The following ACOT11 variants were observed in gnomAD, a reference collection of about 807,000 sequenced individuals.
ACOT11 encodes the protein acyl-CoA thioesterase 11.
In ACOT11, 69 loss-of-function variants were observed where a neutral mutation model predicts 77.5. The ratio of observed to expected loss-of-function variants is 0.89; its 90% CI spans 0.73 to 1.09. The LOEUF (loss-of-function observed/expected upper bound fraction) is 1.09. ACOT11 is among the 50% of genes least tolerant of loss of function. The probability of loss-of-function intolerance (pLI) is 0.00; values close to 1 mark genes in which losing one functional copy is unlikely to be tolerated. For synonymous variants in ACOT11, 279 were observed against 313.0 expected (o/e 0.89, Z 1.15); for missense variants, 766 against 813.7 (o/e 0.94, Z 0.71).
intron 1 of ACOT11, among the ~76,000 whole-genome samples, chr1:54,563,347 A>G (rs967222917): frequency 3.3e-5 from 5 of 152,124 alleles, no homozygotes; most frequent in Non-Finnish European, 7.4e-5. Context: ...GAAAAGCGAA[A>G]TCTCAGCTCC....
intron 1 of ACOT11, among the ~76,000 whole-genome samples, chr1:54,554,353 T>TATATATA (rs1557644014): frequency 3.3e-4 from 11 of 33,414 alleles, no homozygotes; most frequent in Non-Finnish European, 6.9e-4. Flanking sequence ...ATATATATAT[T>TATATATA]TTTTTTTTTT....
Position 54,604,498 on chromosome 1 carries a change from G to A in ACOT11, c.1236+69G>A, listed in dbSNP as rs1644002030. ...AGAGGTGGCTAATGGCAAGCAACAA[G>A]AACTCTCCCACACCACTTATGTCAA... On this transcript the variant is annotated intron_variant, in intron 12 of 15. Coordinates refer to ENST00000343744, the MANE Select transcript of ACOT11 (RefSeq NM_147161.4). 2.2e-6 allele frequency: 3 copies of A among 1,384,982 alleles called. No homozygotes were observed. In the African/African-American group the frequency reaches 4.3e-5, roughly 20 times the overall value. 85.8% of individuals were successfully genotyped at this position (1,384,982 alleles called of 1,614,324 possible).
At chr1:54,612,414 C>CT, downstream of ACOT11, 1 of 1,130,982 alleles carries the variant, frequency 8.8e-7, no homozygotes, top group Middle Eastern at 2.0e-4. Flanking sequence ...CCCTTCCAGC[C>CT]ATGAGCTTCT....
intron 1 of ACOT11, among the ~76,000 whole-genome samples, chr1:54,556,570 A>G (rs1396243918): frequency 6.6e-6 from 1 of 151,532 alleles, no homozygotes; most frequent in Admixed American, 6.6e-5. Flanking sequence ...TTAATGATTT[A>G]TAGTTTTCAT....
At chr1:54,612,592 GCAT>G, downstream of ACOT11, 1 of 1,614,116 alleles carries the variant, frequency 6.2e-7, no homozygotes, top group Non-Finnish European at 8.5e-7. Context: ...ACCAGCTCGT[GCAT>G]CTTCTCCACC....
At chr1:54,608,477 TC>T (rs1181278778) in intron 15 of ACOT11, among the ~76,000 whole-genome samples, 1 of 151,694 alleles carries the variant, frequency 6.6e-6, no homozygotes, top group South Asian at 2.1e-4. Context: ...TACTGCAGCC[TC>T]CCCCCTCACA....
At chr1:54,619,730 C>G in intron 15 of ACOT11, 1 of 907,026 alleles carries the variant, frequency 1.1e-6, no homozygotes. Context: ...CTCTGAGCCC[C>G]TATTTCCTCA....
chr1:54,574,472 T>C (rs1654033631), intron 1 of ACOT11, among the ~76,000 whole-genome samples: 1 of 152,234 alleles, frequency 6.6e-6, no homozygotes, highest in African/African-American at 2.4e-5. Context: ...AGTCTCTCAG[T>C]AAGTGCTGGC....
intron 15 of ACOT11, among the ~76,000 whole-genome samples, chr1:54,618,868 A>G (rs929402066): frequency 5.3e-5 from 8 of 152,174 alleles, no homozygotes; most frequent in African/African-American, 1.7e-4. Flanking sequence ...TTCCTCATCT[A>G]CAAGAATTAA....
intron 1 of ACOT11, among the ~76,000 whole-genome samples, chr1:54,583,141 C>T (rs75982482): frequency 0.044 from 6,706 of 152,230 alleles, 277 homozygotes; most frequent in East Asian, 0.18. Flanking sequence ...TGAGAGCCCG[C>T]AAGCCAGGCA....
chr1:54,624,975 G>A (rs1370403901), intron 15 of ACOT11, among the ~76,000 whole-genome samples: 2 of 151,992 alleles, frequency 1.3e-5, no homozygotes, highest in Non-Finnish European at 2.9e-5. Context: ...GGGGGACAAT[G>A]AGGGAGAGGT....
chr1:54,571,864 G>A (rs1028726575), intron 1 of ACOT11, among the ~76,000 whole-genome samples: 1 of 152,136 alleles, frequency 6.6e-6, no homozygotes, highest in Admixed American at 6.5e-5. Context: ...GGGAGGTGCT[G>A]CTGGGGGAGC....
At chr1:54,604,170 C>T (rs992550759) in intron 11 of ACOT11, among the ~76,000 whole-genome samples, 176 bp from the exon 12 acceptor site, 3 of 152,070 alleles carry the variant, frequency 2.0e-5, no homozygotes, top group Admixed American at 2.0e-4. Flanking sequence ...TAGCCAAGCC[C>T]AAGCCTGGAC....
chr1:54,612,841 A>G (rs1039537064), downstream of ACOT11: 373 of 678,008 alleles, frequency 5.5e-4, no homozygotes, highest in Non-Finnish European at 4.4e-4. Flanking sequence ...CAGAGTCCCA[A>G]AGGACAGAAT....
chr1:54,636,065 CTTTTAG>C (rs1300664416), exon 17 of ACOT11: 1 of 152,228 alleles, frequency 6.6e-6, no homozygotes, highest in East Asian at 1.9e-4. Context: ...ATAAGGGATA[CTTTTAG>C]TTAATTTAAT....
rs1644292021 is a variant in ACOT11 at position 54,630,179 on chromosome 1, G to A, written c.1630-555G>A. Among the ~76,000 whole-genome samples, 3 of 126,792 alleles carry A rather than the reference G, an allele frequency of 2.4e-5. 1 individual carries two copies. The highest frequency in any genetic ancestry group is 5.4e-4 in the South Asian group (2 of 3,700). 83.2% of individuals were successfully genotyped at this position (126,792 alleles called of 152,430 possible). A position where few individuals can be genotyped will look rare whatever the true frequency, so the allele number is the denominator to read the frequency against. On this transcript the variant is annotated intron_variant, in intron 15 of 16. Coordinates refer to the ACOT11 transcript ENST00000371316. ...CTCCCAAAGTGCTGGGATTACAGGCGTGAGCCACTGCGCCTGGCCTGTTTA... is the reference window on the plus strand; with the variant it reads ...CTCCCAAAGTGCTGGGATTACAGGCATGAGCCACTGCGCCTGGCCTGTTTA...
chr1:54,558,281 A>G (rs1273896954), intron 1 of ACOT11, among the ~76,000 whole-genome samples: 1 of 152,226 alleles, frequency 6.6e-6, no homozygotes. Flanking sequence ...AGTGCTATGA[A>G]TAGTAGTAAT....
rs11206389 is a variant in ACOT11, at chr1:54,571,955, G to A, written c.34-12700G>A. 1.2e-3 allele frequency among the ~76,000 whole-genome samples: 182 copies of A among 152,194 alleles called. 1 individual carries two copies. The highest frequency in any genetic ancestry group is 4.0e-3 in the African/African-American group (168 of 41,526). ...GGGCCCGCAGGACCCTGGAGCAGCC[G>A]CTGGGGCCTTGAAGGGGCCCACTGG... On this transcript the variant is annotated intron_variant, in intron 1 of 15. Coordinates refer to ENST00000343744, the MANE Select transcript of ACOT11 (RefSeq NM_147161.4).
intron 1 of ACOT11, among the ~76,000 whole-genome samples, chr1:54,556,681 A>T (rs1016307715): frequency 6.6e-6 from 1 of 151,882 alleles, no homozygotes; most frequent in Non-Finnish European, 1.5e-5. Flanking sequence ...TCCTGGGTTC[A>T]AGTGATTCTT....
Sources: gnomAD v4.1 joint callset for allele counts (sites outside exome capture counted in the v4.1 genomes callset) on GRCh38, gnomAD v4.1.1 for gene constraint, MANE v1.5 for transcripts, NCBI Gene and HGNC (gene_info 2026-07-23, HGNC 2026-07-21) for gene names.